The following ELAVL1 variants were observed in gnomAD, a reference collection of about 807,000 sequenced individuals.
The protein encoded by ELAVL1 is ELAV like RNA binding protein 1.
ELAVL1 carries 1 observed loss-of-function variant against 28.4 expected under a neutral mutation model. The observed-to-expected ratio is 0.04, with a 90% confidence interval of 0.01 to 0.17. ELAVL1 has a LOEUF of 0.17. ELAVL1 is among the 10% of genes least tolerant of loss of function. The probability of loss-of-function intolerance (pLI) is 1.00; values close to 1 mark genes in which losing one functional copy is unlikely to be tolerated. For missense variants in ELAVL1, 157 were observed against 447.2 expected, an observed-to-expected ratio of 0.35 and a Z score of 5.85; for synonymous variants, 174 against 183.5, an observed-to-expected ratio of 0.95 and a Z score of 0.42.
intron 1 of ELAVL1, among the ~76,000 whole-genome samples, chr19:8,003,645 TCG>T (rs2081076796): frequency 7.1e-6 from 1 of 140,528 alleles, no homozygotes; most frequent in Non-Finnish European, 1.5e-5. Context: ...TGAGCCGAGA[TCG>T]CACCACTGCA....
intron 2 of ELAVL1, among the ~76,000 whole-genome samples, chr19:7,989,924 T>C (rs1479311058): frequency 1.3e-5 from 2 of 152,224 alleles, no homozygotes; most frequent in Non-Finnish European, 2.9e-5. Flanking sequence ...TTAAGGTTAC[T>C]GGGGAAATGT....
chr19:7,969,028 G>A (rs1349902691), intron 4 of ELAVL1, among the ~76,000 whole-genome samples: 8 of 152,182 alleles, frequency 5.3e-5, no homozygotes, highest in Non-Finnish European at 1.2e-4. Flanking sequence ...GTGTCCCAGT[G>A]GGAGAGGCCG....
chr19:7,998,644 A>T (rs1038572580), intron 1 of ELAVL1, among the ~76,000 whole-genome samples: 2 of 151,924 alleles, frequency 1.3e-5, no homozygotes, highest in African/African-American at 4.8e-5. Context: ...CTCATTTTTT[A>T]AAATTAGTAT....
In ELAVL1 at chr19:7,981,504, C is replaced by T. The variant is rs1055737859; in HGVS notation, c.173-318G>A. ...TCCAGAGTATCTGGGACTACAGGCCCGCTCCAGCAGGCCCAAGCTAATTGT... is the reference window on the plus strand; with the variant it reads ...TCCAGAGTATCTGGGACTACAGGCCTGCTCCAGCAGGCCCAAGCTAATTGT... On this transcript the variant is annotated intron_variant, in intron 2 of 5. Coordinates refer to ENST00000407627, the MANE Select transcript of ELAVL1 (RefSeq NM_001419.3). This position sits in a 1 kb window ranked among gnomAD's most constrained non-coding sequence, Gnocchi z 4.2. 3.3e-5 allele frequency among the ~76,000 whole-genome samples: 5 copies of T among 151,772 alleles called. No individual in the cohort carries two copies. The highest frequency in any genetic ancestry group is 6.6e-5 in the Admixed American group (1 of 15,232).
chr19:7,968,396 C>T (rs898779138), intron 4 of ELAVL1, among the ~76,000 whole-genome samples: 1 of 152,254 alleles, frequency 6.6e-6, no homozygotes, highest in African/African-American at 2.4e-5. Flanking sequence ...CTGCTGCTGT[C>T]ACCTCACTCC....
chr19:7,968,238 CCA>C (rs1985006994), intron 4 of ELAVL1, among the ~76,000 whole-genome samples: 1 of 152,314 alleles, frequency 6.6e-6, no homozygotes, highest in East Asian at 1.9e-4. Flanking sequence ...GGCTCAGGGG[CCA>C]CTCTCCTGGC....
At position 7,961,721 on chromosome 19, in the gene ELAVL1, C is replaced by A. The variant is rs1316384909; in HGVS notation, c.*1762G>T. The A allele has an allele frequency of 6.6e-6, 1 of 152,104 alleles. No individual in the cohort carries two copies. Among genetic ancestry groups the A allele is most frequent in the East Asian group, 1.9e-4 (1 of 5,186 alleles). The allele number at this position is 152,104 out of a possible 1,614,324, so 9.4% of individuals were successfully genotyped here. On this transcript the variant is annotated 3_prime_UTR_variant, in exon 6 of 6. Coordinates refer to ENST00000407627, the MANE Select transcript of ELAVL1 (RefSeq NM_001419.3). ...TGCAAGGATCGCGCACACAGCCCCT[C>A]AGTAAAAGATCAGGGAAAGGGGAGG...
rs1301126840 is a variant in ELAVL1, at chr19:7,961,165, G to A, written c.*2318C>T. On this transcript the variant is annotated 3_prime_UTR_variant, in exon 6 of 6. Coordinates refer to ENST00000407627, the MANE Select transcript of ELAVL1 (RefSeq NM_001419.3). ...ATTGATAGGATTCAGATAAAAGGGG[G>A]CGAGGAAAGAAGCTGAGGTGCTACA... The A allele has an allele frequency of 6.6e-6, 1 of 152,250 alleles. No homozygotes were observed. The highest frequency in any genetic ancestry group is 1.5e-5 in the Non-Finnish European group (1 of 68,054). The allele number at this position is 152,250 out of a possible 1,614,324, so 9.4% of individuals were successfully genotyped here. A position where few individuals can be genotyped will look rare whatever the true frequency, so the allele number is the denominator to read the frequency against.
rs1984829714 is a variant in ELAVL1, at chr19:7,962,142, G to A, written c.*1341C>T. ...TGTAACTGCACATTCTTGCGTCACA[G>A]ATTCAGAAATGCTTTTGCTTGAGGC... is the stretch of plus-strand genomic sequence containing the variant. On this transcript the variant is annotated 3_prime_UTR_variant, in exon 6 of 6. Coordinates refer to ENST00000407627, the MANE Select transcript of ELAVL1 (RefSeq NM_001419.3). The A allele has an allele frequency of 6.5e-6, 1 of 153,704 alleles. No individual in the cohort carries two copies. Among genetic ancestry groups the A allele is most frequent in the Non-Finnish European group, 1.5e-5 (1 of 68,038 alleles). 9.5% of individuals were successfully genotyped at this position (153,704 alleles called of 1,614,324 possible). A position where few individuals can be genotyped will look rare whatever the true frequency, so the allele number is the denominator to read the frequency against.
chr19:7,985,692 G>C (rs1822149088), intron 2 of ELAVL1, among the ~76,000 whole-genome samples: 1 of 152,242 alleles, frequency 6.6e-6, no homozygotes. Context: ...TGGGATGGGA[G>C]ATGGGATGGA....
chr19:7,987,509 A>C (rs1985639191), intron 2 of ELAVL1, among the ~76,000 whole-genome samples: 1 of 152,140 alleles, frequency 6.6e-6, no homozygotes, highest in Non-Finnish European at 1.5e-5. Context: ...CAACATAGGG[A>C]CCAGGGCCAG....
chr19:7,974,238 C>G (rs541388631), intron 3 of ELAVL1, among the ~76,000 whole-genome samples: 1 of 152,352 alleles, frequency 6.6e-6, no homozygotes, highest in East Asian at 1.9e-4. Flanking sequence ...CTGAAAGCAG[C>G]CCGTGCTGCA....
intron 1 of ELAVL1, among the ~76,000 whole-genome samples, chr19:8,001,035 C>T (rs1235506091): frequency 1.3e-5 from 2 of 152,372 alleles, no homozygotes; most frequent in East Asian, 1.9e-4. Flanking sequence ...AAGTCTCCTG[C>T]TCATCAGCTG....
chr19:7,991,428 T>C (rs922656169), intron 2 of ELAVL1, among the ~76,000 whole-genome samples: 1 of 152,254 alleles, frequency 6.6e-6, no homozygotes, highest in African/African-American at 2.4e-5. Flanking sequence ...ACATGCTCTC[T>C]GTCTTACAAT....
chr19:7,970,291 G>A (rs879847554), intron 4 of ELAVL1, among the ~76,000 whole-genome samples: 3 of 152,368 alleles, frequency 2.0e-5, no homozygotes, highest in Admixed American at 6.5e-5. Context: ...CAGTAGCTGG[G>A]ATTACAGGTG....
intron 1 of ELAVL1, among the ~76,000 whole-genome samples, chr19:7,997,821 C>T (rs2081054562): frequency 6.6e-6 from 1 of 151,732 alleles, no homozygotes; most frequent in Non-Finnish European, 1.5e-5. Flanking sequence ...GTGATGCACA[C>T]CTGTATGCAA....
chr19:7,980,639 C>T (rs957843086), intron 3 of ELAVL1, among the ~76,000 whole-genome samples: 4 of 152,208 alleles, frequency 2.6e-5, no homozygotes, highest in Admixed American at 1.3e-4. Context: ...TGGCTATCCT[C>T]TGTCTTGTTT....
In ELAVL1 at chr19:7,959,623, C is replaced by G. The variant is rs1216825340; in HGVS notation, c.*3860G>C. On this transcript the variant is annotated 3_prime_UTR_variant, in exon 6 of 6. Coordinates refer to ENST00000407627, the MANE Select transcript of ELAVL1 (RefSeq NM_001419.3). ...CTGAAAGGTTGTAGAAAAATAGGAT[C>G]CAGCCATTAGAGGTCAGGGGAAATC... is the stretch of plus-strand genomic sequence containing the variant. 3 of 152,134 alleles carry G rather than the reference C, an allele frequency of 2.0e-5. No homozygotes were observed. Among genetic ancestry groups the G allele is most frequent in the Admixed American group, 6.5e-5 (1 of 15,276 alleles). 9.4% of individuals were successfully genotyped at this position (152,134 alleles called of 1,614,324 possible).
chr19:7,991,498 T>G, intron 2 of ELAVL1, 146 bp downstream of exon 2: 1 of 805,922 alleles, frequency 1.2e-6, no homozygotes, highest in East Asian at 2.7e-5. Context: ...GGACAGAGTT[T>G]GAAATAAAAA....
Sources: gnomAD v4.1 joint callset for allele counts (sites outside exome capture counted in the v4.1 genomes callset) on GRCh38, gnomAD v4.1.1 for gene constraint, Gnocchi (gnomAD v3.1) non-coding constraint, MANE v1.5 for transcripts, NCBI Gene and HGNC (gene_info 2026-07-23, HGNC 2026-07-21) for gene names.